The following PPARGC1A variants were observed in gnomAD, a reference collection of about 807,000 sequenced individuals.
The protein encoded by PPARGC1A is peroxisome proliferator-activated receptor gamma coactivator 1-alpha.
PPARGC1A carries 25 observed loss-of-function variants against 88.7 expected under a neutral mutation model. The observed-to-expected ratio is 0.28, with a 90% CI of 0.21 to 0.39. The LOEUF is 0.39. PPARGC1A is among the 10% of genes least tolerant of loss of function. PPARGC1A has a pLI of 1.00. For missense variants in PPARGC1A, 880 were observed against 968.7 expected (o/e 0.91, Z 1.22); for synonymous variants, 363 against 355.6 (o/e 1.02, Z -0.24).
chr4:24,207,780 T>C, the PPARGC1A span, among the ~76,000 whole-genome samples: 1 of 152,172 alleles, frequency 6.6e-6, no homozygotes, highest in African/African-American at 2.4e-5. Context: ...TTTCTAAAAC[T>C]AGCCAGAGGA....
the PPARGC1A span, among the ~76,000 whole-genome samples, chr4:24,001,780 T>G: frequency 1.3e-5 from 2 of 152,084 alleles, no homozygotes; most frequent in African/African-American, 4.8e-5. Context: ...GAGAGCTAAC[T>G]CCATGTGACA....
chr4:24,120,143 T>C, the PPARGC1A span, among the ~76,000 whole-genome samples: 3,016 of 152,302 alleles, frequency 0.02, 112 homozygotes, highest in African/African-American at 0.068. Flanking sequence ...CTAGTGTTAC[T>C]AATTTTTAGT....
the PPARGC1A span, among the ~76,000 whole-genome samples, chr4:24,391,497 T>C: frequency 1.3e-5 from 2 of 152,152 alleles, no homozygotes; most frequent in Admixed American, 6.6e-5. Flanking sequence ...AATTGAGCTA[T>C]ATGTAGTGGA....
the PPARGC1A span, among the ~76,000 whole-genome samples, chr4:24,463,132 A>G: frequency 7.2e-5 from 11 of 152,178 alleles, no homozygotes; most frequent in Non-Finnish European, 1.3e-4. Flanking sequence ...TTATGTGTTT[A>G]TAATGCATCA....
chr4:24,037,940 T>C, the PPARGC1A span, among the ~76,000 whole-genome samples: 4 of 152,320 alleles, frequency 2.6e-5, no homozygotes, highest in South Asian at 8.3e-4. Flanking sequence ...AATTTTGTGT[T>C]GACCTAAATG....
chr4:23,824,543 T>C, intron 5 of PPARGC1A, 35 bp from the exon 6 acceptor site: 5 of 1,518,656 alleles, frequency 3.3e-6, no homozygotes, highest in Non-Finnish European at 4.5e-6. Context: ...TTATGTAATA[T>C]TGAGTGTCTT....
At chr4:24,397,846 A>G in the PPARGC1A span, among the ~76,000 whole-genome samples, 1 of 152,242 alleles carries the variant, frequency 6.6e-6, no homozygotes, top group Non-Finnish European at 1.5e-5. Flanking sequence ...AAAACAGTGT[A>G]TAAAATGCTA....
At chr4:24,411,842 T>G in the PPARGC1A span, among the ~76,000 whole-genome samples, 2 of 152,204 alleles carry the variant, frequency 1.3e-5, no homozygotes, top group Non-Finnish European at 2.9e-5. Flanking sequence ...TTTTCATGCT[T>G]GATAGCTCAT....
the PPARGC1A span, among the ~76,000 whole-genome samples, chr4:24,070,470 G>T: frequency 6.6e-6 from 1 of 152,104 alleles, no homozygotes; most frequent in Non-Finnish European, 1.5e-5. Context: ...TGGGGTATTA[G>T]AGTGAAAAGA....
At chr4:24,077,159 C>G in the PPARGC1A span, among the ~76,000 whole-genome samples, 2 of 152,108 alleles carry the variant, frequency 1.3e-5, no homozygotes, top group African/African-American at 4.8e-5. Flanking sequence ...AGCTGACATT[C>G]TAGTGCTCCC....
chr4:24,091,597 C>G, the PPARGC1A span: 1 of 985,332 alleles, frequency 1.0e-6, no homozygotes, highest in Non-Finnish European at 1.2e-6. Flanking sequence ...TCCTTGCAAG[C>G]TTTTACCAAA....
At chr4:23,892,949 TA>T (rs1280313869), upstream of PPARGC1A, among the ~76,000 whole-genome samples, 1 of 152,172 alleles carries the variant, frequency 6.6e-6, no homozygotes, top group Non-Finnish European at 1.5e-5. Context: ...CCTGGTGAGA[TA>T]CAAGTTCCTT....
the PPARGC1A span, among the ~76,000 whole-genome samples, chr4:24,365,420 TTGAG>T: frequency 2.6e-5 from 4 of 152,162 alleles, no homozygotes; most frequent in Non-Finnish European, 4.4e-5. Flanking sequence ...ATGGCAATGA[TTGAG>T]TAATTCATTC....
At chr4:23,929,550 C>T in the PPARGC1A span, among the ~76,000 whole-genome samples, 3 of 152,232 alleles carry the variant, frequency 2.0e-5, no homozygotes, top group South Asian at 6.2e-4. Context: ...TCAAGTCCCT[C>T]TGCAGTAGCA....
chr4:24,310,239 T>C, the PPARGC1A span, among the ~76,000 whole-genome samples: 1 of 152,108 alleles, frequency 6.6e-6, no homozygotes, highest in Non-Finnish European at 1.5e-5. Flanking sequence ...TTTTAAAACA[T>C]GGGGTTAAAG....
the PPARGC1A span, among the ~76,000 whole-genome samples, chr4:24,172,904 T>G: frequency 0.024 from 3,594 of 152,336 alleles, 56 homozygotes; most frequent in Non-Finnish European, 0.039. Context: ...TCTCCTTGGC[T>G]GTAATGTGAA....
At chr4:24,178,514 T>C in the PPARGC1A span, among the ~76,000 whole-genome samples, 4 of 152,214 alleles carry the variant, frequency 2.6e-5, no homozygotes, top group African/African-American at 9.6e-5. Context: ...TTTAATCTGA[T>C]TTCTTGTACA....
the PPARGC1A span, among the ~76,000 whole-genome samples, chr4:23,988,284 T>A: frequency 6.6e-6 from 1 of 152,108 alleles, no homozygotes; most frequent in Admixed American, 6.6e-5. Flanking sequence ...TGATTTATAA[T>A]CCTTTGGGTA....
the PPARGC1A span, among the ~76,000 whole-genome samples, chr4:24,093,289 A>G: frequency 1.3e-5 from 2 of 152,220 alleles, no homozygotes; most frequent in Non-Finnish European, 2.9e-5. Context: ...ATCATACCTC[A>G]TTAATACAGC....
Sources: gnomAD v4.1 joint callset for allele counts (sites outside exome capture counted in the v4.1 genomes callset) on GRCh38, gnomAD v4.1.1 for gene constraint, MANE v1.5 for transcripts, NCBI Gene and HGNC (gene_info 2026-07-23, HGNC 2026-07-21) for gene names.